The following RPL39L variants were observed in gnomAD, a reference collection of about 807,000 sequenced individuals.
RPL39L encodes the protein ribosomal protein L39 like, also known as ribosomal protein eL39-like 2.
For synonymous variants in RPL39L, 16 were observed against 20.1 expected, an observed-to-expected ratio of 0.80 and a Z score of 0.55; for missense variants, 48 against 58.9, an observed-to-expected ratio of 0.81 and a Z score of 0.61.
At chr3:187,136,076 G>C (rs903950622) in intron 1 of RPL39L, among the ~76,000 whole-genome samples, 1 of 152,210 alleles carries the variant, frequency 6.6e-6, no homozygotes, top group Non-Finnish European at 1.5e-5. Flanking sequence ...GCTTTTGAGA[G>C]CCATTCAAAA....
In RPL39L at chr3:187,121,056, A is replaced by G; in HGVS notation, c.*89T>C. On this transcript the variant is annotated 3_prime_UTR_variant, in exon 3 of 3. Coordinates refer to ENST00000296277, the MANE Select transcript of RPL39L (RefSeq NM_052969.3). Reference sequence around the variant, plus strand: ...CCCAGTAAAACATGTGCAACTGTCCAGGTAGTGGTGACATTTTCAGCTTGA... The same window carrying G: ...CCCAGTAAAACATGTGCAACTGTCCGGGTAGTGGTGACATTTTCAGCTTGA... 7.1e-7 allele frequency: 1 copy of G among 1,415,236 alleles called. No homozygotes were observed. The highest frequency in any genetic ancestry group is 9.9e-7 in the Non-Finnish European group (1 of 1,008,346). The allele number at this position is 1,415,236 out of a possible 1,614,324, so 87.7% of individuals were successfully genotyped here.
intron 1 of RPL39L, among the ~76,000 whole-genome samples, chr3:187,130,361 T>G (rs1057017289): frequency 6.6e-6 from 1 of 152,246 alleles, no homozygotes; most frequent in South Asian, 2.1e-4. Context: ...AAATCTCATG[T>G]TGAATTGTAA....
chr3:187,127,587 T>C (rs13071292), intron 2 of RPL39L, among the ~76,000 whole-genome samples: 29,272 of 152,108 alleles, frequency 0.19, 3,263 homozygotes, highest in Non-Finnish European at 0.21. Context: ...TTTTAATGCA[T>C]AGTGAGATAA....
chr3:187,136,770 A>G (rs577045944), intron 1 of RPL39L, among the ~76,000 whole-genome samples: 57 of 152,308 alleles, frequency 3.7e-4, no homozygotes, highest in African/African-American at 1.3e-3. Context: ...TATAGTTACA[A>G]TTTAAAATTT....
At chr3:187,126,866 A>G (rs1246281253) in intron 2 of RPL39L, among the ~76,000 whole-genome samples, 1 of 152,188 alleles carries the variant, frequency 6.6e-6, no homozygotes, top group East Asian at 1.9e-4. Flanking sequence ...TTCTCCTACA[A>G]CAATCTGGGA....
chr3:187,137,182 G>A lies in RPL39L; in HGVS notation c.-93+2031C>T, dbSNP rs1038661097. On this transcript the variant is annotated intron_variant, in intron 1 of 2. Coordinates refer to ENST00000296277, the MANE Select transcript of RPL39L (RefSeq NM_052969.3). ...TCAATGCACTCCAGCTTGGGCAACA[G>A]AACAACACTCTTCCTCAAAAAAAAA... 4.9e-4 allele frequency among the ~76,000 whole-genome samples: 39 copies of A among 79,656 alleles called. 1 individual carries two copies. The highest frequency in any genetic ancestry group is 1.8e-3 in the African/African-American group (36 of 20,008). 52.3% of individuals were successfully genotyped at this position (79,656 alleles called of 152,430 possible). A position where few individuals can be genotyped will look rare whatever the true frequency, so the allele number is the denominator to read the frequency against.
intron 1 of RPL39L, among the ~76,000 whole-genome samples, chr3:187,137,413 G>C (rs967564983): frequency 6.6e-6 from 1 of 151,852 alleles, no homozygotes; most frequent in African/African-American, 2.4e-5. Context: ...GGGGAGGTGA[G>C]GCAGGAGGAT....
intron 2 of RPL39L, among the ~76,000 whole-genome samples, chr3:187,121,710 TA>T (rs986565831): frequency 3.9e-5 from 6 of 151,994 alleles, no homozygotes; most frequent in African/African-American, 7.2e-5. Context: ...AATAGAACAC[TA>T]AAAAAAACTA....
chr3:187,134,943 A>G (rs1720548969), intron 1 of RPL39L, among the ~76,000 whole-genome samples: 1 of 152,236 alleles, frequency 6.6e-6, no homozygotes. Flanking sequence ...TGACCTGATC[A>G]GTTGAAAGGT....
chr3:187,128,268 G>A (rs532532062), intron 1 of RPL39L, among the ~76,000 whole-genome samples: 33 of 152,294 alleles, frequency 2.2e-4, no homozygotes, highest in African/African-American at 7.2e-4. Context: ...AGTGCAGCCT[G>A]TGCTTGCTTT....
chr3:187,123,744 C>T (rs1720351549), intron 2 of RPL39L, among the ~76,000 whole-genome samples: 1 of 152,186 alleles, frequency 6.6e-6, no homozygotes, highest in East Asian at 1.9e-4. Flanking sequence ...GAAAAATCTA[C>T]TGTAGTAAGA....
intron 1 of RPL39L, among the ~76,000 whole-genome samples, chr3:187,133,041 A>AT (rs1271972541): frequency 6.6e-6 from 1 of 152,252 alleles, no homozygotes; most frequent in Non-Finnish European, 1.5e-5. Context: ...GTGGACCAGC[A>AT]TAAGAGTATA....
Position 187,121,036 on chromosome 3 carries a change from T to C in RPL39L, c.*109A>G. 1 of 1,236,514 alleles carries C rather than the reference T, an allele frequency of 8.1e-7. No homozygotes were observed. Among genetic ancestry groups the C allele is most frequent in the Non-Finnish European group, 1.2e-6 (1 of 861,606 alleles). 76.6% of individuals were successfully genotyped at this position (1,236,514 alleles called of 1,614,324 possible). A position where few individuals can be genotyped will look rare whatever the true frequency, so the allele number is the denominator to read the frequency against. On this transcript the variant is annotated 3_prime_UTR_variant, in exon 3 of 3. Transcript: ENST00000296277. ...GAAAAACAGAAAAAAATATTCCCAGTAAAACATGTGCAACTGTCCAGGTAG... is the reference window on the plus strand; with the variant it reads ...GAAAAACAGAAAAAAATATTCCCAGCAAAACATGTGCAACTGTCCAGGTAG...
chr3:187,125,959 A>G (rs569211623), intron 2 of RPL39L, among the ~76,000 whole-genome samples: 1 of 152,268 alleles, frequency 6.6e-6, no homozygotes, highest in South Asian at 2.1e-4. Flanking sequence ...TAAATATCAG[A>G]GCACTCCGGA....
chr3:187,130,293 G>A lies in RPL39L; in HGVS notation c.-92-2231C>T, dbSNP rs574400153. The stretch of plus-strand genomic sequence containing the variant: ...CCATTCATTGGTTTTATTCTCTGAC[G>A]TATTAAATCACAATTACTTTTGCAC... On this transcript the variant is annotated intron_variant, in intron 1 of 2. Transcript: ENST00000296277. 2.3e-4 allele frequency among the ~76,000 whole-genome samples: 35 copies of A among 152,276 alleles called. 2 individuals carry two copies. The highest frequency in any genetic ancestry group is 7.7e-4 in the African/African-American group (32 of 41,536).
chr3:187,138,064 C>A lies in RPL39L; in HGVS notation c.-93+1149G>T, dbSNP rs137888034. Among the ~76,000 whole-genome samples, 898 of 152,282 alleles carry A rather than the reference C, an allele frequency of 5.9e-3. 8 individuals carry two copies. The highest frequency in any genetic ancestry group is 0.019 in the African/African-American group (776 of 41,562). ...GATTACAAAGCCTTTATGATTCCAACAACTCTCAGTTAATAGAAGCATCCG... is the reference window on the plus strand; with the variant it reads ...GATTACAAAGCCTTTATGATTCCAAAAACTCTCAGTTAATAGAAGCATCCG... On this transcript the variant is annotated intron_variant, in intron 1 of 2. Coordinates refer to ENST00000296277, the MANE Select transcript of RPL39L (RefSeq NM_052969.3).
chr3:187,129,199 G>T lies in RPL39L; in HGVS notation c.-92-1137C>A, dbSNP rs142968047. 2.2e-3 allele frequency among the ~76,000 whole-genome samples: 333 copies of T among 152,324 alleles called. 2 individuals carry two copies. Among genetic ancestry groups the T allele is most frequent in the African/African-American group, 7.4e-3 (306 of 41,572 alleles). On this transcript the variant is annotated intron_variant, in intron 1 of 2. Transcript: ENST00000296277. ...TACACTGCAATTTCAAGATAATATA[G>T]CTCAGGATAAAAGAGGTTTGATAAG...
In RPL39L at chr3:187,127,755, A is replaced by G. The variant is rs188626411; in HGVS notation, c.-29+244T>C. 4.2e-4 allele frequency among the ~76,000 whole-genome samples: 64 copies of G among 152,346 alleles called. 1 individual carries two copies. The East Asian group carries it at 0.012, about 28-fold the overall frequency. On this transcript the variant is annotated intron_variant, in intron 2 of 2. Transcript: ENST00000296277. ...ATAACTCCTTTCACTTTAGTTTGCA[A>G]TGTAATTTTTCACAAAATTAAATAG...
Position 187,128,029 on chromosome 3 carries a change from G to A in RPL39L, c.-59C>T, listed in dbSNP as rs1010698207. On this transcript the variant is annotated 5_prime_UTR_variant, in exon 2 of 3. Coordinates refer to ENST00000296277, the MANE Select transcript of RPL39L (RefSeq NM_052969.3). ...TCAAGTCTGAATTTCCTACTCCAAA[G>A]AGGCAAAGATGCTTGCTTCTCTCCA... 6.6e-6 allele frequency: 1 copy of A among 152,056 alleles called. No homozygotes were observed. Among genetic ancestry groups the A allele is most frequent in the African/African-American group, 2.4e-5 (1 of 41,400 alleles). 9.4% of individuals were successfully genotyped at this position (152,056 alleles called of 1,614,324 possible). A position where few individuals can be genotyped will look rare whatever the true frequency, so the allele number is the denominator to read the frequency against.
Sources: gnomAD v4.1 joint callset for allele counts (sites outside exome capture counted in the v4.1 genomes callset) on GRCh38, gnomAD v4.1.1 for gene constraint, MANE v1.5 for transcripts, NCBI Gene and HGNC (gene_info 2026-07-23, HGNC 2026-07-21) for gene names.